ZDHHC13: variants seen among roughly 807,000 people sequenced by gnomAD.
ZDHHC13 encodes zDHHC palmitoyltransferase 13.
Under a neutral mutation model 86.0 loss-of-function variants are expected in ZDHHC13, and 85 were observed. The observed-to-expected ratio is 0.99, with a 90% CI of 0.83 to 1.18. The LOEUF (loss-of-function observed/expected upper bound fraction) is 1.18, where lower values mean the gene tolerates loss of function less well. Ranked by LOEUF, ZDHHC13 falls within the 50% of genes most tolerant of loss-of-function variation. The probability of loss-of-function intolerance (pLI) is 0.00; values close to 1 mark genes in which losing one functional copy is unlikely to be tolerated. For missense variants in ZDHHC13, 711 were observed against 730.2 expected (o/e 0.97, Z 0.30); for synonymous variants, 263 against 246.4 (o/e 1.07, Z -0.63).
intron 1 of ZDHHC13, among the ~76,000 whole-genome samples, chr11:19,132,891 T>G (rs1849033194): frequency 6.6e-6 from 1 of 152,202 alleles, no homozygotes; most frequent in Non-Finnish European, 1.5e-5. Context: ...AAGCAAGAGG[T>G]TAAGTGCAAT....
chr11:19,149,396 G>T lies in ZDHHC13; in HGVS notation c.519+65G>T, dbSNP rs541074794. 789 of 1,376,614 alleles carry T rather than the reference G, an allele frequency of 5.7e-4. 5 individuals carry two copies. In the East Asian group the frequency reaches 0.012, roughly 21 times the overall value. The allele number at this position is 1,376,614 out of a possible 1,614,324, so 85.3% of individuals were successfully genotyped here. A position where few individuals can be genotyped will look rare whatever the true frequency, so the allele number is the denominator to read the frequency against. On this transcript the variant is annotated intron_variant, in intron 5 of 16. Transcript: ENST00000446113. ...TCTGAAGAGGTTGGGGAAATTATTA[G>T]TAGTAGTCTCTTCTCATTTTTAAAG... is the stretch of plus-strand genomic sequence containing the variant.
chr11:19,119,298 G>A (rs1235134185), intron 1 of ZDHHC13, among the ~76,000 whole-genome samples: 1 of 152,022 alleles, frequency 6.6e-6, no homozygotes, highest in East Asian at 1.9e-4. Context: ...AGTAAGATGG[G>A]GTTTCACCAT....
chr11:19,133,542 A>G (rs923301987), intron 1 of ZDHHC13, among the ~76,000 whole-genome samples: 2 of 152,172 alleles, frequency 1.3e-5, no homozygotes, highest in African/African-American at 4.8e-5. Context: ...ATGTTACTGT[A>G]TTGGAATGTT....
chr11:19,124,126 G>T (rs1320709066), intron 1 of ZDHHC13, among the ~76,000 whole-genome samples: 1 of 152,016 alleles, frequency 6.6e-6, no homozygotes, highest in African/African-American at 2.4e-5. Context: ...AACCAAAGGG[G>T]AGTGTTGAAT....
chr11:19,164,762 G>C, intron 12 of ZDHHC13: 1 of 432,040 alleles, frequency 2.3e-6, no homozygotes, highest in East Asian at 4.2e-5. Flanking sequence ...AATGGAACTT[G>C]GGTTTCCTTC....
intron 12 of ZDHHC13, chr11:19,164,614 G>A (rs953342575): frequency 3.9e-6 from 2 of 517,558 alleles, no homozygotes; most frequent in Admixed American, 7.1e-5. Flanking sequence ...GCTTTTCTCT[G>A]TCATGAAGCA....
At chr11:19,146,668 G>C (rs1849476389) in intron 3 of ZDHHC13, among the ~76,000 whole-genome samples, 1 of 152,186 alleles carries the variant, frequency 6.6e-6, no homozygotes, top group Admixed American at 6.5e-5. Flanking sequence ...ACGAAGAATA[G>C]ATAGGTAGGA....
intron 10 of ZDHHC13, among the ~76,000 whole-genome samples, chr11:19,160,867 A>C (rs1849891815): frequency 6.6e-6 from 1 of 151,792 alleles, no homozygotes; most frequent in Non-Finnish European, 1.5e-5. Context: ...TGGGTCGTGG[A>C]AGAATTAAAT....
At chr11:19,175,679 G>C in intron 16 of ZDHHC13, 143 bp from the exon 17 acceptor site, 2 of 880,344 alleles carry the variant, frequency 2.3e-6, no homozygotes, top group Admixed American at 6.6e-5. Flanking sequence ...CAGAAGCCCA[G>C]GAACTATCTG....
intron 1 of ZDHHC13, among the ~76,000 whole-genome samples, chr11:19,141,926 C>T (rs901423087): frequency 2.6e-5 from 4 of 152,148 alleles, no homozygotes; most frequent in Admixed American, 6.6e-5. Context: ...GCAGTCACTT[C>T]TGTATTAGTT....
chr11:19,133,928 T>C (rs868341715), intron 1 of ZDHHC13, among the ~76,000 whole-genome samples: 1 of 92,578 alleles, frequency 1.1e-5, no homozygotes, highest in Admixed American at 1.4e-4. Flanking sequence ...TCCATATATA[T>C]ATATATATAT....
chr11:19,150,873 C>A, intron 6 of ZDHHC13, 82 bp downstream of exon 6: 1 of 1,258,748 alleles, frequency 7.9e-7, no homozygotes, highest in Non-Finnish European at 1.1e-6. Flanking sequence ...GTATCTGTGT[C>A]TATGTGAGAT....
At chr11:19,138,421 A>G (rs1422812372) in intron 1 of ZDHHC13, among the ~76,000 whole-genome samples, 2 of 150,194 alleles carry the variant, frequency 1.3e-5, no homozygotes, top group East Asian at 3.9e-4. Context: ...GCAATAATCA[A>G]TAGCTTACCA....
At chr11:19,130,107 A>C (rs570805339) in intron 1 of ZDHHC13, among the ~76,000 whole-genome samples, 18 of 152,230 alleles carry the variant, frequency 1.2e-4, no homozygotes, top group Admixed American at 1.0e-3. Context: ...AGAGCTGGGA[A>C]GCATTCTCTC....
At chr11:19,118,407 A>G (rs1230737363) in intron 1 of ZDHHC13, among the ~76,000 whole-genome samples, 1 of 151,154 alleles carries the variant, frequency 6.6e-6, no homozygotes, top group African/African-American at 2.5e-5. Flanking sequence ...TTTTAACAGA[A>G]AAAAAATAGT....
chr11:19,175,256 G>C lies in ZDHHC13; in HGVS notation c.1731-566G>C, dbSNP rs186777453. 3.9e-3 allele frequency among the ~76,000 whole-genome samples: 589 copies of C among 151,890 alleles called. 4 individuals are homozygous for C. The highest frequency in any genetic ancestry group is 0.014 in the African/African-American group (565 of 41,398). On this transcript the variant is annotated intron_variant, in intron 16 of 16. Transcript: ENST00000446113. The stretch of plus-strand genomic sequence containing the variant: ...ATACAAAAAATTAGCCGGGTGTGGT[G>C]GTGGGCGCCTATAGTCCCAGCTACT...
At position 19,133,351 on chromosome 11, in the gene ZDHHC13, A is replaced by C. The variant is rs1221679259; in HGVS notation, c.28-9627A>C. ...AGATATATGCTTTTGAGAATTGTTT[A>C]CATATATATATATATATACCCACAC... is the stretch of plus-strand genomic sequence containing the variant. On this transcript the variant is annotated intron_variant, in intron 1 of 16. Coordinates refer to ENST00000446113, the MANE Select transcript of ZDHHC13 (RefSeq NM_019028.3). 2.0e-5 allele frequency among the ~76,000 whole-genome samples: 3 copies of C among 146,350 alleles called. No homozygotes were observed. In the Admixed American group the frequency reaches 2.1e-4, roughly 10 times the overall value.
chr11:19,150,154 C>T (rs1399735425), intron 5 of ZDHHC13, among the ~76,000 whole-genome samples: 1 of 152,218 alleles, frequency 6.6e-6, no homozygotes, highest in East Asian at 1.9e-4. Flanking sequence ...TTGCTGTATA[C>T]CTTAAACCTA....
At chr11:19,149,409 C>T in intron 5 of ZDHHC13, 78 bp downstream of exon 5, 1 of 1,335,732 alleles carries the variant, frequency 7.5e-7, no homozygotes, top group Non-Finnish European at 9.8e-7. Context: ...GTAGTCTCTT[C>T]TCATTTTTAA....
Sources: allele counts gnomAD v4.1 joint callset (sites outside exome capture counted in the v4.1 genomes callset), GRCh38; gene constraint gnomAD v4.1.1; transcripts MANE v1.5; gene names NCBI Gene and HGNC (gene_info 2026-07-23, HGNC 2026-07-21).